The following DACH1 variants were observed in gnomAD, a reference collection of about 807,000 sequenced individuals.
The protein encoded by DACH1 is dachshund family transcription factor 1, also known as dachshund homolog 1.
DACH1 carries 12 observed loss-of-function variants against 54.2 expected under a neutral mutation model. The observed-to-expected ratio is 0.22, with a 90% CI of 0.14 to 0.36. The LOEUF is 0.36. Among genes scored for constraint, DACH1 ranks in the 10% least tolerant of loss-of-function variants. The pLI, the probability that DACH1 is intolerant of heterozygous loss-of-function variation, is 1.00. For synonymous variants in DACH1, 386 were observed against 366.2 expected, an observed-to-expected ratio of 1.05 and a Z score of -0.62; for missense variants, 805 against 929.8, an observed-to-expected ratio of 0.87 and a Z score of 1.75.
intron 1 of DACH1, among the ~76,000 whole-genome samples, chr13:71,858,919 A>C (rs996622345): frequency 6.8e-5 from 10 of 146,110 alleles, no homozygotes; most frequent in African/African-American, 2.5e-4. Flanking sequence ...CTCTCTCTGT[A>C]TCTCTCTCTC....
At chr13:71,615,667 T>A (rs999489850) in intron 3 of DACH1, among the ~76,000 whole-genome samples, 9 of 152,134 alleles carry the variant, frequency 5.9e-5, no homozygotes, top group Non-Finnish European at 1.0e-4. Context: ...TAAGACACTC[T>A]TTGGATAAAT....
chr13:71,515,253 G>C (rs1881073597), intron 6 of DACH1, among the ~76,000 whole-genome samples: 1 of 151,868 alleles, frequency 6.6e-6, no homozygotes, highest in Admixed American at 6.6e-5. Context: ...TCTGTCCCCT[G>C]TAAGTGCAAG....
At chr13:71,700,598 G>C (rs1464447527) in intron 1 of DACH1, among the ~76,000 whole-genome samples, 2 of 149,354 alleles carry the variant, frequency 1.3e-5, no homozygotes, top group Non-Finnish European at 3.0e-5. Flanking sequence ...GAGAGAGAGA[G>C]AGAGAGAGCA....
In DACH1 at chr13:71,858,333, T is replaced by G. The variant is rs559322261; in HGVS notation, c.848+7589A>C. ...AAGATCATTTAACACTGTGACTTTT[T>G]AATACTTCATGTTTACCACTCCATT... On this transcript the variant is annotated intron_variant, in intron 1 of 10. Coordinates refer to ENST00000613252, the MANE Select transcript of DACH1 (RefSeq NM_080759.6). Among the ~76,000 whole-genome samples the G allele has an allele frequency of 3.6e-3, 546 of 151,840 alleles. 3 individuals carry two copies. Among genetic ancestry groups the G allele is most frequent in the African/African-American group, 0.013 (521 of 41,530 alleles).
chr13:71,788,700 CAT>C (rs1307081352), intron 1 of DACH1, among the ~76,000 whole-genome samples: 16 of 152,004 alleles, frequency 1.1e-4, no homozygotes, highest in Admixed American at 6.6e-4. Context: ...TTTGGGCAGA[CAT>C]GTGTGGCTAA....
chr13:71,499,136 GACACACACAC>G (rs3075798), intron 6 of DACH1, among the ~76,000 whole-genome samples: 1 of 149,198 alleles, frequency 6.7e-6, no homozygotes, highest in Non-Finnish European at 1.5e-5. Flanking sequence ...CACACACGCA[GACACACACAC>G]ACACACACAC....
intron 1 of DACH1, among the ~76,000 whole-genome samples, chr13:71,840,335 A>G (rs557776515): frequency 2.1e-4 from 32 of 152,196 alleles, no homozygotes; most frequent in Non-Finnish European, 2.4e-4. Flanking sequence ...CACAAATTCA[A>G]TCATATCATT....
At chr13:71,748,402 C>T (rs1884703120) in intron 1 of DACH1, among the ~76,000 whole-genome samples, 1 of 152,182 alleles carries the variant, frequency 6.6e-6, no homozygotes, top group Non-Finnish European at 1.5e-5. Flanking sequence ...GCTTGGAAAT[C>T]ATTTTACAGA....
chr13:71,786,850 T>C (rs303955), intron 1 of DACH1, among the ~76,000 whole-genome samples: 9,018 of 152,198 alleles, frequency 0.059, 648 homozygotes, highest in African/African-American at 0.17. Flanking sequence ...CATGGTAAAT[T>C]GACAATACTT....
chr13:71,516,528 G>T (rs1004671917), intron 6 of DACH1, among the ~76,000 whole-genome samples: 13 of 151,748 alleles, frequency 8.6e-5, no homozygotes, highest in African/African-American at 3.1e-4. Context: ...ATGAAGTCCA[G>T]CCCAACAGTC....
chr13:71,489,148 T>G lies in DACH1; in HGVS notation c.1571A>C (p.Asp524Ala). 6.2e-7 allele frequency: 1 copy of G among 1,611,534 alleles called. No homozygotes were observed. Among genetic ancestry groups the G allele is most frequent in the South Asian group, 1.1e-5 (1 of 90,758 alleles). Reference sequence around the variant, plus strand: ...GGTTGGTGTAGAAAGCGGGGTCTCATCTGCATGTGATTGAAACAAAAATAT... The same window carrying G: ...GGTTGGTGTAGAAAGCGGGGTCTCAGCTGCATGTGATTGAAACAAAAATAT... ...HESKRMHIEK[D>A]ETPLSTPTAR... Residue 524 changes from aspartate (D) to alanine (A), a missense_variant and splice_region_variant, in exon 7 of 11, where the codon GAT becomes GCT. Physicochemically the swap from Asp to Ala is moderately radical, Grantham distance 126 (BLOSUM62 -2). This residue lies in a region of DACH1 where 472 missense variants were observed against 545.3 expected (regional missense o/e 0.87). Coordinates refer to ENST00000613252, the MANE Select transcript of DACH1 (RefSeq NM_080759.6).
At chr13:71,642,518 T>C (rs1184770322) in intron 2 of DACH1, among the ~76,000 whole-genome samples, 2 of 152,244 alleles carry the variant, frequency 1.3e-5, no homozygotes, top group Admixed American at 6.5e-5. Context: ...GAGATTCTTT[T>C]TAACTTTTCC....
intron 10 of DACH1, among the ~76,000 whole-genome samples, chr13:71,455,048 C>A (rs1293166874): frequency 5.9e-5 from 9 of 152,170 alleles, no homozygotes; most frequent in Non-Finnish European, 7.4e-5. Flanking sequence ...CATGTGAACT[C>A]ACCAAACCAA....
At chr13:71,799,717 A>G (rs1236842326) in intron 1 of DACH1, among the ~76,000 whole-genome samples, 1 of 152,150 alleles carries the variant, frequency 6.6e-6, no homozygotes, top group African/African-American at 2.4e-5. Context: ...GCAAATTGCC[A>G]AAATTTGAAG....
intron 1 of DACH1, among the ~76,000 whole-genome samples, chr13:71,823,725 A>C (rs1023545204): frequency 6.6e-6 from 1 of 152,006 alleles, no homozygotes; most frequent in African/African-American, 2.4e-5. Flanking sequence ...GAAAAAAAAC[A>C]AACCAAAATT....
intron 1 of DACH1, among the ~76,000 whole-genome samples, chr13:71,853,268 A>G (rs1405031536): frequency 2.0e-5 from 3 of 152,178 alleles, no homozygotes; most frequent in African/African-American, 7.2e-5. Context: ...AAAACTGGTA[A>G]TGTATCAAAG....
At chr13:71,491,792 A>G (rs1879003350) in intron 6 of DACH1, among the ~76,000 whole-genome samples, 1 of 152,154 alleles carries the variant, frequency 6.6e-6, no homozygotes, top group South Asian at 2.1e-4. Context: ...TCCTACAAAG[A>G]TTGTAATATT....
At chr13:71,560,742 C>G (rs1420910562) in intron 4 of DACH1, among the ~76,000 whole-genome samples, 1 of 152,122 alleles carries the variant, frequency 6.6e-6, no homozygotes, top group Admixed American at 6.6e-5. Flanking sequence ...ATAAATGTCT[C>G]CAATTAGCTA....
chr13:71,499,560 A>T (rs1404947594), intron 6 of DACH1, among the ~76,000 whole-genome samples: 1 of 152,194 alleles, frequency 6.6e-6, no homozygotes, highest in Non-Finnish European at 1.5e-5. Context: ...ATTAAAAATA[A>T]ATGAAAGGGG....
Sources: gnomAD v4.1 joint callset for allele counts (sites outside exome capture counted in the v4.1 genomes callset) on GRCh38, gnomAD v4.1.1 for gene constraint, gnomAD v4.1.1 regional missense constraint, MANE v1.5 for transcripts, NCBI Gene and HGNC (gene_info 2026-07-23, HGNC 2026-07-21) for gene names.